UBR3: variants seen among roughly 807,000 people sequenced by gnomAD.
UBR3 encodes E3 ubiquitin-protein ligase UBR3.
UBR3 carries 85 observed loss-of-function variants against 243.2 expected under a neutral mutation model. That is an observed-to-expected ratio of 0.35 (90% confidence interval 0.29 to 0.42). The LOEUF is 0.42. Among genes scored for constraint, UBR3 ranks in the 10% least tolerant of loss-of-function variants. The pLI, the probability that UBR3 is intolerant of heterozygous loss-of-function variation, is 1.00. For missense variants in UBR3, 1,686 were observed against 2,300.8 expected, an observed-to-expected ratio of 0.73 and a Z score of 5.47; for synonymous variants, 748 against 799.8, an observed-to-expected ratio of 0.94 and a Z score of 1.09.
chr2:169,927,223 A>G, intron 16 of UBR3, 97 bp from the exon 17 acceptor site: 1 of 1,156,116 alleles, frequency 8.6e-7, no homozygotes, highest in South Asian at 1.6e-5. Context: ...GAAGCATCTT[A>G]TATTTGGTAA....
chr2:169,922,840 A>G (rs980188163), intron 11 of UBR3, among the ~76,000 whole-genome samples: 2 of 152,164 alleles, frequency 1.3e-5, no homozygotes, highest in Non-Finnish European at 2.9e-5. Flanking sequence ...TAGCCTTTAC[A>G]TATTGAAGAG....
At chr2:169,849,170 G>A (rs1182555518) in intron 1 of UBR3, among the ~76,000 whole-genome samples, 2 of 152,338 alleles carry the variant, frequency 1.3e-5, no homozygotes, top group East Asian at 3.9e-4. Flanking sequence ...GCAGCGTGGG[G>A]CCCTAGCTGT....
In UBR3 at chr2:169,958,429, T is replaced by G; in HGVS notation, c.3546-9T>G. On this transcript the variant is annotated splice_polypyrimidine_tract_variant and intron_variant, in intron 23 of 38. Coordinates refer to ENST00000272793, the MANE Select transcript of UBR3 (RefSeq NM_172070.4). ...CTGATACTTAAAACTTTATTTCTGT[T>G]TAATCTAGGCGACAGAAGGCTAGAG... 4 of 1,611,682 alleles carry G rather than the reference T, an allele frequency of 2.5e-6. No homozygotes were observed. Among genetic ancestry groups the G allele is most frequent in the Non-Finnish European group, 3.4e-6 (4 of 1,178,794 alleles).
chr2:169,907,794 T>C (rs1407498277), intron 10 of UBR3, among the ~76,000 whole-genome samples: 1 of 152,080 alleles, frequency 6.6e-6, no homozygotes, highest in African/African-American at 2.4e-5. Context: ...TTTTTATTTT[T>C]TGAGATGGAG....
chr2:169,870,345 T>A (rs954551970), intron 1 of UBR3, among the ~76,000 whole-genome samples: 1 of 152,100 alleles, frequency 6.6e-6, no homozygotes, highest in African/African-American at 2.4e-5. Flanking sequence ...CCTAGGCTGG[T>A]TTTGAACTCC....
chr2:169,994,254 C>A, intron 25 of UBR3, 69 bp from the exon 26 acceptor site: 3 of 1,516,340 alleles, frequency 2.0e-6, no homozygotes, highest in South Asian at 1.3e-5. Flanking sequence ...AATAACTCAG[C>A]TTTTCTTGGA....
intron 23 of UBR3, among the ~76,000 whole-genome samples, chr2:169,950,719 G>A (rs2086985294): frequency 6.6e-6 from 1 of 151,494 alleles, no homozygotes; most frequent in African/African-American, 2.4e-5. Flanking sequence ...TTTTTTTAGT[G>A]GTACATTGTT....
rs770674966 is a variant in UBR3, at chr2:169,857,064, G to GTT, written c.546-15146_546-15145dup. 6.9e-3 allele frequency among the ~76,000 whole-genome samples: 388 copies of GTT among 56,052 alleles called. 65 individuals are homozygous for GTT. The highest frequency in any genetic ancestry group is 9.3e-3 in the Non-Finnish European group (293 of 31,354). The allele number at this position is 56,052 out of a possible 152,430, so 36.8% of individuals were successfully genotyped here. A position where few individuals can be genotyped will look rare whatever the true frequency, so the allele number is the denominator to read the frequency against. ...ATGATTTCCAGCATAATTTTATTAT[G>GTT]TTTTTTTTTTTTTTTTTTTTTTTTT... On this transcript the variant is annotated intron_variant, in intron 1 of 38. Transcript: ENST00000272793.
intron 24 of UBR3, among the ~76,000 whole-genome samples, chr2:169,979,371 A>G (rs1559153563): frequency 6.6e-6 from 1 of 152,222 alleles, no homozygotes; most frequent in South Asian, 2.1e-4. Flanking sequence ...TAATCTTACC[A>G]TATGATCCAT....
Position 170,061,133 on chromosome 2 carries a change from G to A in UBR3, c.4840G>A (p.Glu1614Lys). 2 of 1,600,984 alleles carry A rather than the reference G, an allele frequency of 1.2e-6. No individual in the cohort carries two copies. Among genetic ancestry groups the A allele is most frequent in the Non-Finnish European group, 1.7e-6 (2 of 1,176,608 alleles). The part of the protein sequence containing the change: ...YEVLLSFVIS[E>K]LFKGKLYHEE... ...AGTATTACTGAGCTTTGTGATAAGT[G>A]AACTATTTAAAGGAAAGTTATACCA... Residue 1614 changes from glutamate to lysine, a missense_variant, in exon 34 of 39, where the codon GAA (glutamate) becomes AAA (lysine). Physicochemically the swap from Glu to Lys is moderately conservative, Grantham distance 56. This residue lies in a region of UBR3 where 371 missense variants were observed against 422.5 expected (regional missense o/e 0.88). Coordinates refer to ENST00000272793, the MANE Select transcript of UBR3 (RefSeq NM_172070.4).
At chr2:169,843,040 T>G (rs545215481) in intron 1 of UBR3, among the ~76,000 whole-genome samples, 22 of 152,332 alleles carry the variant, frequency 1.4e-4, no homozygotes, top group East Asian at 1.2e-3. Flanking sequence ...CCTTAATGCT[T>G]CTTTTATGGC....
At chr2:169,828,156 G>T (rs1489798578) in intron 1 of UBR3, 104 bp downstream of exon 1, 8 of 1,281,598 alleles carry the variant, frequency 6.2e-6, no homozygotes, top group African/African-American at 4.6e-5. Flanking sequence ...TCAAGGGGAG[G>T]GTGCGGGGGA....
chr2:169,877,937 A>T (rs1168479032), intron 4 of UBR3, among the ~76,000 whole-genome samples: 1 of 152,246 alleles, frequency 6.6e-6, no homozygotes, highest in Non-Finnish European at 1.5e-5. Context: ...TCAATATTTT[A>T]GTAAACTATG....
chr2:169,907,383 G>A (rs986251124), intron 10 of UBR3, among the ~76,000 whole-genome samples: 7 of 151,906 alleles, frequency 4.6e-5, no homozygotes, highest in African/African-American at 1.7e-4. Flanking sequence ...GTCATTTAAT[G>A]GTATCTTAAA....
chr2:170,051,863 T>A (rs1231827235), intron 32 of UBR3, among the ~76,000 whole-genome samples: 4 of 152,208 alleles, frequency 2.6e-5, no homozygotes, highest in African/African-American at 9.7e-5. Flanking sequence ...CTTTCCTAGT[T>A]CTTCTACTGT....
intron 24 of UBR3, among the ~76,000 whole-genome samples, chr2:169,977,723 C>G (rs546576361): frequency 6.6e-6 from 1 of 152,206 alleles, no homozygotes; most frequent in Non-Finnish European, 1.5e-5. Flanking sequence ...CTTTCATTCA[C>G]TGACTCACAT....
At chr2:169,918,959 A>G (rs1192465668) in intron 11 of UBR3, among the ~76,000 whole-genome samples, 1 of 152,216 alleles carries the variant, frequency 6.6e-6, no homozygotes, top group Non-Finnish European at 1.5e-5. Context: ...ACCAGGTGCT[A>G]TGTGGGACCA....
rs571451290 is a variant in UBR3, at chr2:169,967,258, G to A, written c.3634+8732G>A. 5.5e-3 allele frequency among the ~76,000 whole-genome samples: 451 copies of A among 81,432 alleles called. 1 individual carries two copies. The highest frequency in any genetic ancestry group is 0.012 in the South Asian group (33 of 2,782). 53.4% of individuals were successfully genotyped at this position (81,432 alleles called of 152,430 possible). On this transcript the variant is annotated intron_variant, in intron 24 of 38. Coordinates refer to ENST00000272793, the MANE Select transcript of UBR3 (RefSeq NM_172070.4). Reference sequence around the variant, plus strand: ...CCCCCCACCCCCCTACAGGGTATGCGCCCCCCGCCCCCCCCCACACACAGT... The same window carrying A: ...CCCCCCACCCCCCTACAGGGTATGCACCCCCCGCCCCCCCCCACACACAGT...
At chr2:169,878,434 G>C (rs935232632) in intron 4 of UBR3, 91 bp from the exon 5 acceptor site, 17 of 1,296,590 alleles carry the variant, frequency 1.3e-5, no homozygotes, top group Non-Finnish European at 1.8e-5. Flanking sequence ...ACAAAACTTA[G>C]CTTTTTGATA....
Sources: allele counts gnomAD v4.1 joint callset (sites outside exome capture counted in the v4.1 genomes callset), GRCh38; gene constraint gnomAD v4.1.1; regional missense constraint gnomAD v4.1.1; transcripts MANE v1.5; gene names NCBI Gene and HGNC (gene_info 2026-07-23, HGNC 2026-07-21).